Variants in YAP1 observed in about 807,000 individuals in gnomAD.
YAP1 encodes the protein Yes1 associated transcriptional regulator.
A neutral mutation model predicts 56.9 loss-of-function variants in YAP1; 5 were observed. That is an observed-to-expected ratio of 0.09 (90% confidence interval 0.05 to 0.18). The LOEUF is 0.18. YAP1 is among the 10% of genes least tolerant of loss of function. The pLI, the probability that YAP1 is intolerant of heterozygous loss-of-function variation, is 1.00. For synonymous variants in YAP1, 265 were observed against 248.1 expected (o/e 1.07, Z -0.64); for missense variants, 539 against 651.8 (o/e 0.83, Z 1.88).
rs766295366 is a variant in YAP1 at position 102,209,612 on chromosome 11, TATTAA to T, written c.1032+53_1032+57del. 1.1e-5 allele frequency: 15 copies of T among 1,376,796 alleles called. No homozygotes were observed. The Admixed American group carries it at 2.0e-4, about 19-fold the overall frequency. The allele number at this position is 1,376,796 out of a possible 1,614,324, so 85.3% of individuals were successfully genotyped here. A position where few individuals can be genotyped will look rare whatever the true frequency, so the allele number is the denominator to read the frequency against. ...AGCACTGGAAAAAAAAAAAAAAAGA[TATTAA>T]ATTAGGAAAGAGAAACTTACATTCC... On this transcript the variant is annotated intron_variant, in intron 6 of 8. Coordinates refer to ENST00000282441, the MANE Select transcript of YAP1 (RefSeq NM_001130145.3).
chr11:102,161,354 AC>A (rs1946275550), intron 2 of YAP1, among the ~76,000 whole-genome samples: 1 of 144,158 alleles, frequency 6.9e-6, no homozygotes, highest in Admixed American at 6.8e-5. Flanking sequence ...CTACACACAC[AC>A]ACACACACAC....
chr11:102,228,305 AAAG>A (rs895190621), intron 8 of YAP1, among the ~76,000 whole-genome samples: 124 of 152,118 alleles, frequency 8.2e-4, no homozygotes, highest in African/African-American at 2.7e-3. Flanking sequence ...ACCAGGTGGG[AAAG>A]ACTAGGAGGT....
chr11:102,111,612 G>A (rs954772289), intron 1 of YAP1, among the ~76,000 whole-genome samples: 3 of 152,146 alleles, frequency 2.0e-5, no homozygotes, highest in Non-Finnish European at 4.4e-5. Flanking sequence ...CTGGGAAAGG[G>A]GGAGGGGGGC....
chr11:102,129,243 T>C (rs7108820), intron 2 of YAP1, among the ~76,000 whole-genome samples: 73,419 of 151,966 alleles, frequency 0.48, 20,371 homozygotes, highest in South Asian at 0.67. Context: ...AGAATAATTT[T>C]TTTTTCTATA....
chr11:102,165,566 G>A (rs1946556387), intron 3 of YAP1, among the ~76,000 whole-genome samples: 2 of 152,080 alleles, frequency 1.3e-5, no homozygotes. Context: ...AGGGTTGTGA[G>A]GAGAGAGTTG....
intron 6 of YAP1, among the ~76,000 whole-genome samples, chr11:102,223,140 C>G (rs886666981): frequency 2.0e-5 from 3 of 150,696 alleles, no homozygotes; most frequent in Non-Finnish European, 4.4e-5. Flanking sequence ...CCCAGCTACT[C>G]GGGAGGCTGA....
intron 3 of YAP1, among the ~76,000 whole-genome samples, chr11:102,173,144 G>A (rs1434320463): frequency 6.6e-6 from 1 of 152,184 alleles, no homozygotes; most frequent in Non-Finnish European, 1.5e-5. Context: ...GAGGACTTGA[G>A]TACTAGTGGA....
rs1483095844 is a variant in YAP1 at position 102,133,318 on chromosome 11, C to CAGAGTCTCACTCTGCT, written c.572+18926_572+18941dup. Among the ~76,000 whole-genome samples, 22 of 152,118 alleles carry CAGAGTCTCACTCTGCT rather than the reference C, an allele frequency of 1.4e-4. No individual in the cohort carries two copies. In the East Asian group the frequency reaches 4.1e-3, roughly 28 times the overall value. On this transcript the variant is annotated intron_variant, in intron 2 of 8. Coordinates refer to ENST00000282441, the MANE Select transcript of YAP1 (RefSeq NM_001130145.3). ...ACAGAATTTTTGGGTTTTTTTGGGA[C>CAGAGTCTCACTCTGCT]AGAGTCTCACTCTGCTACCCCAGGG...
chr11:102,151,119 C>T (rs376157317), intron 2 of YAP1, among the ~76,000 whole-genome samples: 7 of 152,212 alleles, frequency 4.6e-5, no homozygotes, highest in Admixed American at 1.3e-4. Context: ...TCAGCCACCA[C>T]GCCTGGCTGA....
intron 3 of YAP1, among the ~76,000 whole-genome samples, chr11:102,177,225 A>C (rs1947313945): frequency 6.6e-6 from 1 of 152,156 alleles, no homozygotes; most frequent in African/African-American, 2.4e-5. Context: ...GGATGCTTTC[A>C]GTACCGAAGC....
chr11:102,164,351 A>T (rs1341922491), intron 3 of YAP1, among the ~76,000 whole-genome samples: 1 of 152,156 alleles, frequency 6.6e-6, no homozygotes, highest in East Asian at 1.9e-4. Flanking sequence ...AAAAAATTTT[A>T]AGACAAAAAT....
At chr11:102,201,478 C>G (rs912018593) in intron 4 of YAP1, among the ~76,000 whole-genome samples, 1 of 152,098 alleles carries the variant, frequency 6.6e-6, no homozygotes, top group Non-Finnish European at 1.5e-5. Context: ...ATAAGTACAC[C>G]TGTATTTCAG....
At chr11:102,138,134 C>G (rs1944794055) in intron 2 of YAP1, among the ~76,000 whole-genome samples, 1 of 152,236 alleles carries the variant, frequency 6.6e-6, no homozygotes, top group Non-Finnish European at 1.5e-5. Context: ...ATCCGCCTGC[C>G]TTGGCCTCCC....
At chr11:102,200,720 C>T (rs1344552642) in intron 4 of YAP1, among the ~76,000 whole-genome samples, 1 of 152,120 alleles carries the variant, frequency 6.6e-6, no homozygotes, top group Non-Finnish European at 1.5e-5. Flanking sequence ...GCTGGGATTA[C>T]AGGCATGAGC....
chr11:102,163,608 A>G (rs1371341560), intron 3 of YAP1, among the ~76,000 whole-genome samples: 1 of 152,182 alleles, frequency 6.6e-6, no homozygotes, highest in African/African-American at 2.4e-5. Context: ...GCTCTAGTAG[A>G]CTTGATGGCT....
intron 5 of YAP1, among the ~76,000 whole-genome samples, chr11:102,206,804 C>T (rs999797388): frequency 3.0e-4 from 45 of 152,224 alleles, no homozygotes; most frequent in African/African-American, 1.0e-3. Context: ...ATTGTGCCAC[C>T]GCACTCAAGC....
intron 7 of YAP1, among the ~76,000 whole-genome samples, chr11:102,225,834 G>A (rs1479401747): frequency 6.6e-6 from 1 of 152,180 alleles, no homozygotes. Flanking sequence ...GTTTGTAGGT[G>A]GTGGTGATTG....
intron 4 of YAP1, among the ~76,000 whole-genome samples, chr11:102,196,455 G>A (rs973877012): frequency 3.3e-5 from 5 of 152,064 alleles, no homozygotes; most frequent in African/African-American, 7.2e-5. Context: ...AATGAGAATA[G>A]CCAGGCACAA....
intron 3 of YAP1, among the ~76,000 whole-genome samples, chr11:102,176,761 AAAAAAAAAAAAAAAAG>A (rs1401194535): frequency 6.8e-6 from 1 of 147,578 alleles, no homozygotes; most frequent in East Asian, 2.0e-4. Flanking sequence ...AAAAAAAAAA[AAAAAAAAAAAAAAAAG>A]AGTAGAATTT....
Sources: allele counts gnomAD v4.1 joint callset (sites outside exome capture counted in the v4.1 genomes callset), GRCh38; gene constraint gnomAD v4.1.1; transcripts MANE v1.5; gene names NCBI Gene and HGNC (gene_info 2026-07-23, HGNC 2026-07-21).